Variants in MCPH1 observed in about 807,000 individuals in gnomAD.
MCPH1 encodes microcephalin.
Under a neutral mutation model 84.5 loss-of-function variants are expected in MCPH1, and 104 were observed. The observed-to-expected ratio is 1.23, with a 90% confidence interval of 1.05 to 1.45. The LOEUF (loss-of-function observed/expected upper bound fraction) is 1.45, where lower values mean the gene tolerates loss of function less well. Ranked by LOEUF, MCPH1 falls within the 40% of genes most tolerant of loss-of-function variation. The pLI, the probability that MCPH1 is intolerant of heterozygous loss-of-function variation, is 0.00. For missense variants in MCPH1, 1,498 were observed against 1,005.7 expected (o/e 1.49, Z -6.62); for synonymous variants, 514 against 366.8 (o/e 1.40, Z -4.58).
At chr8:6,568,101 A>C (rs1245049859) in intron 12 of MCPH1, among the ~76,000 whole-genome samples, 3 of 151,462 alleles carry the variant, frequency 2.0e-5, no homozygotes, top group Admixed American at 6.6e-5. Context: ...ATAGCTACCT[A>C]CTCCCAGAAA....
At chr8:6,632,654 A>G (rs1797251155) in intron 13 of MCPH1, among the ~76,000 whole-genome samples, 3 of 152,038 alleles carry the variant, frequency 2.0e-5, no homozygotes, top group South Asian at 4.2e-4. Context: ...CTAAAAATAC[A>G]AAAAATTAGC....
chr8:6,630,438 G>C (rs1797068127), intron 13 of MCPH1, among the ~76,000 whole-genome samples: 1 of 152,110 alleles, frequency 6.6e-6, no homozygotes, highest in Non-Finnish European at 1.5e-5. Flanking sequence ...ATTGATTCAA[G>C]AAATAGAAAA....
At chr8:6,454,835 A>C (rs1451654406) in intron 8 of MCPH1, among the ~76,000 whole-genome samples, 7 of 152,216 alleles carry the variant, frequency 4.6e-5, no homozygotes, top group Non-Finnish European at 2.9e-5. Flanking sequence ...AAAATCTAAG[A>C]ATTTAAGTTT....
At chr8:6,457,085 A>G (rs1432310551) in intron 9 of MCPH1, among the ~76,000 whole-genome samples, 2 of 152,218 alleles carry the variant, frequency 1.3e-5, no homozygotes, top group African/African-American at 4.8e-5. Context: ...CACAATTACA[A>G]ATACACACCT....
intron 8 of MCPH1, among the ~76,000 whole-genome samples, chr8:6,450,598 T>G (rs775507010): frequency 6.6e-6 from 1 of 151,402 alleles, no homozygotes; most frequent in Non-Finnish European, 1.5e-5. Flanking sequence ...ATCCATGAAT[T>G]TAACCAATAA....
intron 7 of MCPH1, among the ~76,000 whole-genome samples, chr8:6,442,535 A>G (rs898181244): frequency 6.6e-6 from 1 of 152,256 alleles, no homozygotes; most frequent in African/African-American, 2.4e-5. Context: ...GAACGGGGTC[A>G]GTGAAGTATG....
chr8:6,639,246 T>G (rs541641569), intron 13 of MCPH1, among the ~76,000 whole-genome samples: 3 of 152,180 alleles, frequency 2.0e-5, no homozygotes, highest in Non-Finnish European at 2.9e-5. Context: ...TTTGATTTCA[T>G]AGTCAAAGAA....
chr8:6,642,901 TTAAA>T, intron 13 of MCPH1, 89 bp from the exon 14 acceptor site: 2 of 1,197,820 alleles, frequency 1.7e-6, no homozygotes, highest in Non-Finnish European at 2.4e-6. Flanking sequence ...CTATTTGTTT[TTAAA>T]TATAGTTTCA....
In MCPH1 at chr8:6,449,333, T is replaced by C. The variant is rs1804802815; in HGVS notation, c.1825+3786T>C. Among the ~76,000 whole-genome samples, 3 of 152,166 alleles carry C rather than the reference T, an allele frequency of 2.0e-5. No individual in the cohort carries two copies. The South Asian group carries it at 6.2e-4, about 32-fold the overall frequency. The stretch of plus-strand genomic sequence containing the variant: ...CTCCTCAATTGTGCAGTTAAATGGG[T>C]TTTGAAATAGGAAATTCCGGCCAGG... On this transcript the variant is annotated intron_variant, in intron 8 of 13. Transcript: ENST00000344683.
At chr8:6,522,053 G>C (rs1351750994) in intron 12 of MCPH1, among the ~76,000 whole-genome samples, 1 of 152,058 alleles carries the variant, frequency 6.6e-6, no homozygotes. Context: ...AGGAACAAAT[G>C]GGTTTTAAAA....
At chr8:6,464,502 T>A (rs972512270) in intron 9 of MCPH1, among the ~76,000 whole-genome samples, 1 of 152,244 alleles carries the variant, frequency 6.6e-6, no homozygotes, top group Non-Finnish European at 1.5e-5. Context: ...TGATTTTGCA[T>A]GCATTGTAAA....
intron 12 of MCPH1, among the ~76,000 whole-genome samples, chr8:6,590,146 A>T (rs1204446301): frequency 6.6e-6 from 1 of 152,156 alleles, no homozygotes; most frequent in Non-Finnish European, 1.5e-5. Context: ...AGCTGAAAAA[A>T]GTATTTTTGC....
intron 12 of MCPH1, among the ~76,000 whole-genome samples, chr8:6,524,840 G>T (rs1818031465): frequency 6.6e-6 from 1 of 152,184 alleles, no homozygotes; most frequent in South Asian, 2.1e-4. Flanking sequence ...AGAGAAAATG[G>T]AGACCCTGAG....
intron 12 of MCPH1, chr8:6,620,207 G>A (rs1052549230): frequency 2.6e-5 from 4 of 152,198 alleles, no homozygotes; most frequent in African/African-American, 9.7e-5. Flanking sequence ...AAGCTGCTGA[G>A]GCTCGGTATT....
chr8:6,453,853 A>T (rs562007828), intron 8 of MCPH1, among the ~76,000 whole-genome samples: 8 of 152,180 alleles, frequency 5.3e-5, no homozygotes, highest in Admixed American at 1.3e-4. Flanking sequence ...GACTGGTTTG[A>T]GTCTCGAGTG....
rs540481587 is a variant in MCPH1, at chr8:6,480,363, C to G, written c.1974-351C>G. Among the ~76,000 whole-genome samples the G allele has an allele frequency of 2.6e-5, 4 of 152,104 alleles. No homozygotes were observed. In the South Asian group the frequency reaches 8.3e-4, roughly 32 times the overall value. ...CTGATCTTGAACTCCTGGTGATCCACCCGCCTCGGCCTCCCAAAGTGCCGG... is the reference window on the plus strand; with the variant it reads ...CTGATCTTGAACTCCTGGTGATCCAGCCGCCTCGGCCTCCCAAAGTGCCGG... On this transcript the variant is annotated intron_variant, in intron 10 of 13. Transcript: ENST00000344683.
chr8:6,579,223 T>G (rs1827356850), intron 12 of MCPH1, among the ~76,000 whole-genome samples: 1 of 152,210 alleles, frequency 6.6e-6, no homozygotes, highest in Non-Finnish European at 1.5e-5. Flanking sequence ...ACTGGCAGGT[T>G]ATTTGGAGAG....
Position 6,444,544 on chromosome 8 carries a change from T to A in MCPH1, c.822T>A (p.Ile274=). 1 of 1,614,158 alleles carries A rather than the reference T, an allele frequency of 6.2e-7. No individual in the cohort carries two copies. Among genetic ancestry groups the A allele is most frequent in the Non-Finnish European group, 8.5e-7 (1 of 1,180,000 alleles). The change falls in exon 8 of 14, where the codon ATT becomes ATA. Residue 274 remains isoleucine (I), a synonymous_variant. Coordinates refer to ENST00000344683, the MANE Select transcript of MCPH1 (RefSeq NM_024596.5). ...ISSLVLKANN[I]HSSPSFTHLD... ...CACTTGTATTGAAAGCAAATAATAT[T>A]CATTCATCACCATCTTTCACTCACC...
chr8:6,646,243 G>C lies in MCPH1; in HGVS notation c.*3194G>C, dbSNP rs1312656251. On this transcript the variant is annotated 3_prime_UTR_variant, in exon 14 of 14. Transcript: ENST00000344683. ...AGTTTAAGACCAGCCTGGCCAACTT[G>C]GTGAAACCTTGTCTCTACTAGAAAT... 6.6e-6 allele frequency: 1 copy of C among 152,090 alleles called. No individual in the cohort carries two copies. The highest frequency in any genetic ancestry group is 2.4e-5 in the African/African-American group (1 of 41,398). The allele number at this position is 152,090 out of a possible 1,614,324, so 9.4% of individuals were successfully genotyped here.
Sources: allele counts gnomAD v4.1 joint callset (sites outside exome capture counted in the v4.1 genomes callset), GRCh38; gene constraint gnomAD v4.1.1; transcripts MANE v1.5; gene names NCBI Gene and HGNC (gene_info 2026-07-23, HGNC 2026-07-21).